The following CPE variants were observed in gnomAD, a reference collection of about 807,000 sequenced individuals.
The protein encoded by CPE is carbocypeptidase E.
In CPE, 17 loss-of-function variants were observed where a neutral mutation model predicts 53.5. That is an observed-to-expected ratio of 0.32 (90% CI 0.22 to 0.48). The LOEUF (loss-of-function observed/expected upper bound fraction) is 0.48, where lower values mean the gene tolerates loss of function less well. Among genes scored for constraint, CPE ranks in the 20% least tolerant of loss-of-function variants. CPE has a pLI of 0.99. For synonymous variants in CPE, 226 were observed against 228.8 expected (o/e 0.99, Z 0.11); for missense variants, 524 against 614.7 (o/e 0.85, Z 1.56).
intron 1 of CPE, among the ~76,000 whole-genome samples, chr4:165,438,931 C>T (rs1731557125): frequency 6.6e-6 from 1 of 152,018 alleles, no homozygotes; most frequent in South Asian, 2.1e-4. Flanking sequence ...AAGGCTGGCC[C>T]CTTTAATATT....
chr4:165,397,105 C>T (rs1212558281), intron 1 of CPE, among the ~76,000 whole-genome samples: 1 of 151,584 alleles, frequency 6.6e-6, no homozygotes, highest in Non-Finnish European at 1.5e-5. Flanking sequence ...GTGAAGCCAA[C>T]TGAAAACAAA....
chr4:165,394,598 G>A (rs866279778), intron 1 of CPE, among the ~76,000 whole-genome samples: 1 of 152,090 alleles, frequency 6.6e-6, no homozygotes, highest in African/African-American at 2.4e-5. Flanking sequence ...AAACATACTC[G>A]TGTTGATCTG....
intron 1 of CPE, among the ~76,000 whole-genome samples, chr4:165,426,263 G>A (rs1343693796): frequency 1.3e-5 from 2 of 152,130 alleles, no homozygotes; most frequent in Non-Finnish European, 2.9e-5. Flanking sequence ...TAGATTATTG[G>A]AACAATTATT....
intron 6 of CPE, among the ~76,000 whole-genome samples, chr4:165,490,344 G>C (rs1171153034): frequency 6.6e-6 from 1 of 152,104 alleles, no homozygotes; most frequent in Non-Finnish European, 1.5e-5. Context: ...CTTAAAGAAT[G>C]GTTCATGGGC....
At chr4:165,439,442 T>G (rs1017802685) in intron 1 of CPE, among the ~76,000 whole-genome samples, 1 of 152,186 alleles carries the variant, frequency 6.6e-6, no homozygotes, top group South Asian at 2.1e-4. Flanking sequence ...TCAACAGAAA[T>G]TCATTTCCTA....
intron 1 of CPE, among the ~76,000 whole-genome samples, chr4:165,413,460 G>T (rs557701220): frequency 6.6e-6 from 1 of 152,336 alleles, no homozygotes; most frequent in South Asian, 2.1e-4. Flanking sequence ...GCTTCATTAG[G>T]AGTGATGCCA....
At position 165,390,114 on chromosome 4, in the gene CPE, T is replaced by C. The variant is rs149426955; in HGVS notation, c.307+10586T>C. On this transcript the variant is annotated intron_variant, in intron 1 of 8. Transcript: ENST00000402744. The stretch of plus-strand genomic sequence containing the variant: ...GCTGCAAGGCAAATAGTTATATCAA[T>C]CCATAATTCTGCCTTCCTTCTAGAA... 3.8e-3 allele frequency among the ~76,000 whole-genome samples: 578 copies of C among 152,338 alleles called. 7 individuals are homozygous for C. The highest frequency in any genetic ancestry group is 0.011 in the African/African-American group (454 of 41,586).
At chr4:165,468,209 T>C (rs1732142271) in intron 3 of CPE, among the ~76,000 whole-genome samples, 1 of 152,192 alleles carries the variant, frequency 6.6e-6, no homozygotes, top group African/African-American at 2.4e-5. Flanking sequence ...TCTCCTCCCT[T>C]GCTTTACAAA....
At chr4:165,426,522 A>C (rs1242482952) in intron 1 of CPE, among the ~76,000 whole-genome samples, 1 of 151,846 alleles carries the variant, frequency 6.6e-6, no homozygotes, top group African/African-American at 2.4e-5. Context: ...TATGCACATT[A>C]AAGTTCATTT....
At chr4:165,422,925 C>G (rs1459598908) in intron 1 of CPE, among the ~76,000 whole-genome samples, 2 of 138,926 alleles carry the variant, frequency 1.4e-5, no homozygotes, top group African/African-American at 5.5e-5. Context: ...TGCAGTGAGC[C>G]GAGATGGTGC....
chr4:165,439,476 T>G (rs1731571383), intron 1 of CPE, among the ~76,000 whole-genome samples: 1 of 152,148 alleles, frequency 6.6e-6, no homozygotes, highest in African/African-American at 2.4e-5. Context: ...AAATAAATTA[T>G]TCATGGAAGA....
chr4:165,418,341 G>A (rs552311539), intron 1 of CPE: 3 of 145,914 alleles, frequency 2.1e-5, no homozygotes, highest in African/African-American at 7.6e-5. Context: ...AACAAGCCAA[G>A]AAAAGTCCTA....
chr4:165,494,602 G>T lies in CPE; in HGVS notation c.1214-957G>T, dbSNP rs1371569394. 3.9e-5 allele frequency among the ~76,000 whole-genome samples: 6 copies of T among 152,158 alleles called. No individual in the cohort carries two copies. The East Asian group carries it at 1.2e-3, about 29-fold the overall frequency. ...AGTTCAGAGGATCTTGAAAAAATCTGTTCAATGGAGTGAATGGTGGGATCC... is the reference window on the plus strand; with the variant it reads ...AGTTCAGAGGATCTTGAAAAAATCTTTTCAATGGAGTGAATGGTGGGATCC... On this transcript the variant is annotated intron_variant, in intron 7 of 8. Transcript: ENST00000402744.
intron 1 of CPE, among the ~76,000 whole-genome samples, chr4:165,438,318 C>G (rs528813650): frequency 6.6e-6 from 1 of 152,022 alleles, no homozygotes; most frequent in Non-Finnish European, 1.5e-5. Context: ...TTTTGCAGCA[C>G]GGGGCTTTCC....
intron 1 of CPE, among the ~76,000 whole-genome samples, chr4:165,462,681 C>T (rs1579273004): frequency 6.6e-6 from 1 of 152,150 alleles, no homozygotes; most frequent in African/African-American, 2.4e-5. Context: ...TCTCTTCTCA[C>T]ACCTCCTCAT....
At chr4:165,386,220 G>T (rs1343731107) in intron 1 of CPE, 1 of 520,234 alleles carries the variant, frequency 1.9e-6, no homozygotes, top group Non-Finnish European at 3.9e-6. Context: ...CCTCATTATG[G>T]TATTTCCCAC....
chr4:165,426,177 T>C (rs1225996645), intron 1 of CPE, among the ~76,000 whole-genome samples: 1 of 152,232 alleles, frequency 6.6e-6, no homozygotes, highest in Admixed American at 6.5e-5. Flanking sequence ...TGGTTTCATA[T>C]CTATAAATAC....
chr4:165,491,163 G>A (rs1191642677), intron 6 of CPE, among the ~76,000 whole-genome samples: 1 of 152,152 alleles, frequency 6.6e-6, no homozygotes, highest in Admixed American at 6.5e-5. Flanking sequence ...TGCAATATAA[G>A]TCTTGGATTG....
intron 1 of CPE, among the ~76,000 whole-genome samples, chr4:165,447,514 T>C (rs1731736299): frequency 6.6e-6 from 1 of 150,868 alleles, no homozygotes; most frequent in Admixed American, 6.6e-5. Context: ...GAGGTTGAGG[T>C]GAGCTGAGAT....
Sources: gnomAD v4.1 joint callset for allele counts (sites outside exome capture counted in the v4.1 genomes callset) on GRCh38, gnomAD v4.1.1 for gene constraint, MANE v1.5 for transcripts, NCBI Gene and HGNC (gene_info 2026-07-23, HGNC 2026-07-21) for gene names.